The following CTTNBP2NL variants were observed in gnomAD, a reference collection of about 807,000 sequenced individuals.
The protein encoded by CTTNBP2NL is CTTNBP2 N-terminal like.
In CTTNBP2NL, 16 loss-of-function variants were observed where a neutral mutation model predicts 32.5. The ratio of observed to expected loss-of-function variants is 0.49; its 90% CI spans 0.33 to 0.75. The LOEUF (loss-of-function observed/expected upper bound fraction) is 0.75. CTTNBP2NL is among the 30% of genes least tolerant of loss of function. CTTNBP2NL has a pLI of 0.02. For missense variants in CTTNBP2NL, 645 were observed against 756.0 expected, an observed-to-expected ratio of 0.85 and a Z score of 1.72; for synonymous variants, 298 against 289.4, an observed-to-expected ratio of 1.03 and a Z score of -0.30.
chr1:112,417,561 T>G (rs1649102366), intron 3 of CTTNBP2NL, among the ~76,000 whole-genome samples: 1 of 152,176 alleles, frequency 6.6e-6, no homozygotes, highest in Non-Finnish European at 1.5e-5. Flanking sequence ...GAGCTAAAAT[T>G]AAGGGAGCAT....
At chr1:112,453,204 C>T (rs956051829) in intron 4 of CTTNBP2NL, among the ~76,000 whole-genome samples, 1 of 151,950 alleles carries the variant, frequency 6.6e-6, no homozygotes, top group Non-Finnish European at 1.5e-5. Context: ...ATCCTCCTGC[C>T]TCTGCCTCCC....
At position 112,449,729 on chromosome 1, in the gene CTTNBP2NL, T is replaced by G. The variant is rs567532816; in HGVS notation, c.330+557T>G. Among the ~76,000 whole-genome samples the G allele has an allele frequency of 9.7e-3, 262 of 27,148 alleles. 1 individual carries two copies. Among genetic ancestry groups the G allele is most frequent in the African/African-American group, 0.03 (200 of 6,662 alleles). The allele number at this position is 27,148 out of a possible 152,430, so 17.8% of individuals were successfully genotyped here. ...GGTGTTCTACTCTATTAGTGAGGGG[T>G]GTGTGTGTGTGTGTGTGTGTGTGTT... On this transcript the variant is annotated intron_variant, in intron 4 of 5. Transcript: ENST00000271277.
At chr1:112,429,640 A>G (rs1649502640) in intron 3 of CTTNBP2NL, among the ~76,000 whole-genome samples, 1 of 152,232 alleles carries the variant, frequency 6.6e-6, no homozygotes, top group South Asian at 2.1e-4. Flanking sequence ...ACAATGAAGT[A>G]TATGTGTAAA....
chr1:112,457,587 A>T lies in CTTNBP2NL; in HGVS notation c.*175A>T. 3.4e-6 allele frequency: 2 copies of T among 595,612 alleles called. No homozygotes were observed. The highest frequency in any genetic ancestry group is 5.8e-5 in the South Asian group (2 of 34,544). 36.9% of individuals were successfully genotyped at this position (595,612 alleles called of 1,614,324 possible). ...TTTAAGTAGAAACTGAGTAGTTTGG[A>T]TTTTTATGGCTCACATCTTTTTACT... is the stretch of plus-strand genomic sequence containing the variant. On this transcript the variant is annotated 3_prime_UTR_variant, in exon 6 of 6. Transcript: ENST00000271277.
At chr1:112,428,924 T>G (rs1017897900) in intron 3 of CTTNBP2NL, among the ~76,000 whole-genome samples, 1 of 152,198 alleles carries the variant, frequency 6.6e-6, no homozygotes, top group Non-Finnish European at 1.5e-5. Context: ...AGATTTCACT[T>G]TGTTTCATCT....
At chr1:112,413,700 A>C (rs1648954907) in intron 2 of CTTNBP2NL, among the ~76,000 whole-genome samples, 1 of 152,152 alleles carries the variant, frequency 6.6e-6, no homozygotes, top group East Asian at 1.9e-4. Context: ...ATGTTATCAG[A>C]TATATCCCTG....
At chr1:112,416,870 C>T (rs182432883) in intron 3 of CTTNBP2NL, among the ~76,000 whole-genome samples, 2 of 152,226 alleles carry the variant, frequency 1.3e-5, no homozygotes, top group East Asian at 1.9e-4. Context: ...GAGCAACTTC[C>T]TAATAAATGT....
chr1:112,422,522 A>G (rs777398415), intron 3 of CTTNBP2NL, among the ~76,000 whole-genome samples: 7 of 152,234 alleles, frequency 4.6e-5, no homozygotes, highest in Non-Finnish European at 8.8e-5. Flanking sequence ...TTGAATGGCT[A>G]TATCATATGA....
rs192450110 is a variant in CTTNBP2NL, at chr1:112,452,409, A to G, written c.331-2040A>G. ...GCTCAGGCTGGAGTGCAATGGCACA[A>G]TCTTGGCTCACCACAACCTCTGCCT... On this transcript the variant is annotated intron_variant, in intron 4 of 5. Coordinates refer to ENST00000271277, the MANE Select transcript of CTTNBP2NL (RefSeq NM_018704.3). Among the ~76,000 whole-genome samples, 205 of 143,516 alleles carry G rather than the reference A, an allele frequency of 1.4e-3. 2 individuals carry two copies. The highest frequency in any genetic ancestry group is 5.4e-3 in the African/African-American group (199 of 37,130). The allele number at this position is 143,516 out of a possible 152,430, so 94.2% of individuals were successfully genotyped here. A position where few individuals can be genotyped will look rare whatever the true frequency, so the allele number is the denominator to read the frequency against.
At chr1:112,452,928 G>A (rs1019595308) in intron 4 of CTTNBP2NL, among the ~76,000 whole-genome samples, 7 of 150,066 alleles carry the variant, frequency 4.7e-5, no homozygotes, top group African/African-American at 7.4e-5. Flanking sequence ...TTTGAGACCA[G>A]CCTGGGCAAC....
chr1:112,442,942 G>A (rs577131720), intron 3 of CTTNBP2NL, among the ~76,000 whole-genome samples: 6 of 152,012 alleles, frequency 3.9e-5, no homozygotes, highest in African/African-American at 9.6e-5. Context: ...CACCTGCCTC[G>A]GCCTCTCAAA....
rs1318449199 is a variant in CTTNBP2NL at position 112,416,278 on chromosome 1, A to T, written c.99+14A>T. ...GAAGCCTTAAAGGTATGTTAAAAGA[A>T]AAAAAAAAAGAGGTCATCATACATT... On this transcript the variant is annotated intron_variant, in intron 3 of 5. Transcript: ENST00000271277. 2 of 1,251,580 alleles carry T rather than the reference A, an allele frequency of 1.6e-6. No homozygotes were observed. Among genetic ancestry groups the T allele is most frequent in the African/African-American group, 3.5e-5 (2 of 57,238 alleles). The allele number at this position is 1,251,580 out of a possible 1,614,324, so 77.5% of individuals were successfully genotyped here.
At position 112,449,096 on chromosome 1, in the gene CTTNBP2NL, T is replaced by C. The variant is rs1281575491; in HGVS notation, c.254T>C (p.Val85Ala). The change falls in exon 4 of 6, where the codon GTT (valine) becomes GCT (alanine). Residue 85 changes from valine (V) to alanine (A), a missense_variant. Physicochemically the swap from Val to Ala is moderately conservative, Grantham distance 64 (BLOSUM62 0). Coordinates refer to ENST00000271277, the MANE Select transcript of CTTNBP2NL (RefSeq NM_018704.3). ...ACAAATCCACTCTCTATTCTTAAGGTTGTGATGAAGCAGTGCAAGAACATG... is the reference window on the plus strand; with the variant it reads ...ACAAATCCACTCTCTATTCTTAAGGCTGTGATGAAGCAGTGCAAGAACATG... Reference protein sequence around the residue: ...VCTNPLSILKVVMKQCKNMQE... With the variant: ...VCTNPLSILKAVMKQCKNMQE... 1.2e-6 allele frequency: 2 copies of C among 1,613,930 alleles called. No homozygotes were observed. Among genetic ancestry groups the C allele is most frequent in the Non-Finnish European group, 1.7e-6 (2 of 1,179,824 alleles).
chr1:112,403,706 G>T (rs928478713), intron 1 of CTTNBP2NL, among the ~76,000 whole-genome samples: 2 of 152,218 alleles, frequency 1.3e-5, no homozygotes, highest in Non-Finnish European at 2.9e-5. Context: ...GCGTTTACCT[G>T]TATGCTAAAG....
At chr1:112,406,349 A>G (rs1648665695) in intron 1 of CTTNBP2NL, among the ~76,000 whole-genome samples, 1 of 152,144 alleles carries the variant, frequency 6.6e-6, no homozygotes, top group Non-Finnish European at 1.5e-5. Flanking sequence ...CCACCATACA[A>G]TTCCTAAGGC....
At chr1:112,434,598 C>G (rs1161884886) in intron 3 of CTTNBP2NL, among the ~76,000 whole-genome samples, 1 of 152,140 alleles carries the variant, frequency 6.6e-6, no homozygotes, top group East Asian at 1.9e-4. Flanking sequence ...TCAAGTTGAT[C>G]TTGTTTTTCT....
intron 1 of CTTNBP2NL, among the ~76,000 whole-genome samples, chr1:112,407,210 C>A (rs961151356): frequency 6.6e-6 from 1 of 152,042 alleles, no homozygotes; most frequent in African/African-American, 2.4e-5. Flanking sequence ...CTTAGATCCC[C>A]CTTACCTACA....
At chr1:112,450,767 CTTT>C (rs34309573) in intron 4 of CTTNBP2NL, among the ~76,000 whole-genome samples, 2 of 133,896 alleles carry the variant, frequency 1.5e-5, no homozygotes, top group Non-Finnish European at 1.6e-5. Context: ...CCTATCTATT[CTTT>C]TTTTTTTTTT....
intron 1 of CTTNBP2NL, among the ~76,000 whole-genome samples, chr1:112,407,569 G>T (rs568549431): frequency 4.6e-5 from 7 of 152,216 alleles, no homozygotes; most frequent in Admixed American, 4.6e-4. Context: ...TAGAGATCCT[G>T]TTTCCAAAAT....
Sources: allele counts gnomAD v4.1 joint callset (sites outside exome capture counted in the v4.1 genomes callset), GRCh38; gene constraint gnomAD v4.1.1; transcripts MANE v1.5; gene names NCBI Gene and HGNC (gene_info 2026-07-23, HGNC 2026-07-21).